The following CWF19L1 variants were observed in gnomAD, a reference collection of about 807,000 sequenced individuals.
CWF19L1 encodes CWF19-like protein 1.
CWF19L1 carries 60 observed loss-of-function variants against 69.7 expected under a neutral mutation model. That is an observed-to-expected ratio of 0.86 (90% CI 0.70 to 1.07). The LOEUF (loss-of-function observed/expected upper bound fraction) is 1.07, where lower values mean the gene tolerates loss of function less well. CWF19L1 is among the 50% of genes least tolerant of loss of function. The pLI is 0.00. For missense variants in CWF19L1, 591 were observed against 638.9 expected (o/e 0.92, Z 0.81); for synonymous variants, 209 against 222.2 (o/e 0.94, Z 0.53).
At chr10:100,250,188 A>G (rs1564856685) in intron 7 of CWF19L1, 60 bp downstream of exon 7, 2 of 1,122,726 alleles carry the variant, frequency 1.8e-6, no homozygotes, top group Non-Finnish European at 2.7e-6. Flanking sequence ...ACTGGACAAG[A>G]GATACATTTA....
At chr10:100,267,526 A>G in intron 1 of CWF19L1, 45 bp downstream of exon 1, 2 of 1,614,098 alleles carry the variant, frequency 1.2e-6, no homozygotes, top group Non-Finnish European at 1.7e-6. Context: ...ACCTACACAC[A>G]CGAAAGAGAC....
intron 7 of CWF19L1, chr10:100,248,440 G>T (rs781464393): frequency 5.7e-6 from 4 of 695,754 alleles, no homozygotes; most frequent in East Asian, 2.6e-5. Flanking sequence ...CTCATTCCAT[G>T]GGTACACAAA....
At chr10:100,253,757 T>TA (rs1847119679) in intron 5 of CWF19L1, 1 of 431,136 alleles carries the variant, frequency 2.3e-6, no homozygotes, top group Admixed American at 4.3e-5. Context: ...GAACAACTGT[T>TA]GGAAGCCAGA....
chr10:100,243,655 A>G (rs1846707351), intron 10 of CWF19L1, 43 bp downstream of exon 10: 1 of 1,498,554 alleles, frequency 6.7e-7, no homozygotes, highest in Non-Finnish European at 9.3e-7. Context: ...ATAAAAAACA[A>G]ATAGGCATCT....
In CWF19L1 at chr10:100,250,347, A is replaced by G. The variant is rs779504838; in HGVS notation, c.624-15T>C. 6 of 1,561,484 alleles carry G rather than the reference A, an allele frequency of 3.8e-6. No individual in the cohort carries two copies. The highest frequency in any genetic ancestry group is 4.4e-6 in the Non-Finnish European group (5 of 1,133,352). ...TGATATGGTTTCTACAACATATTTG[A>G]GAGACAAAAAATTGCAAACAATTTT... On this transcript the variant is annotated splice_polypyrimidine_tract_variant and intron_variant, in intron 6 of 13. Transcript: ENST00000354105.
intron 4 of CWF19L1, among the ~76,000 whole-genome samples, chr10:100,259,421 C>A (rs369775141): frequency 1.3e-5 from 2 of 152,010 alleles, no homozygotes. Context: ...AGTAAAAAGC[C>A]CCCAAAGAAC....
At chr10:100,249,115 A>G (rs1317223892) in intron 7 of CWF19L1, 2 of 476,732 alleles carry the variant, frequency 4.2e-6, no homozygotes, top group African/African-American at 4.0e-5. Flanking sequence ...ACTGGGCCAC[A>G]GCCCTGATGA....
At chr10:100,260,460 T>C (rs1182551637) in intron 3 of CWF19L1, 141 bp from the exon 4 acceptor site, 1 of 552,478 alleles carries the variant, frequency 1.8e-6, no homozygotes, top group Non-Finnish European at 3.2e-6. Context: ...CAATCCTAAA[T>C]GTGGAACAGC....
intron 10 of CWF19L1, among the ~76,000 whole-genome samples, chr10:100,241,000 CTTT>C (rs56262807): frequency 7.8e-4 from 55 of 70,618 alleles, no homozygotes; most frequent in African/African-American, 3.1e-3. Context: ...CTAATTAAGC[CTTT>C]TTTTTTTTTT....
chr10:100,238,396 A>G (rs1007728227), intron 10 of CWF19L1, among the ~76,000 whole-genome samples, 165 bp from the exon 11 acceptor site: 26 of 152,250 alleles, frequency 1.7e-4, no homozygotes, highest in African/African-American at 6.3e-4. Flanking sequence ...TTGTAGCAAC[A>G]ATGTTCTCAG....
chr10:100,243,058 C>T (rs1442516300), intron 10 of CWF19L1, among the ~76,000 whole-genome samples: 2 of 152,196 alleles, frequency 1.3e-5, no homozygotes, highest in Admixed American at 1.3e-4. Flanking sequence ...AACAGTTTAG[C>T]AGTTTCTTAA....
Position 100,246,899 on chromosome 10 carries a change from T to C in CWF19L1, c.745A>G (p.Met249Val). 1 of 1,613,816 alleles carries C rather than the reference T, an allele frequency of 6.2e-7. No homozygotes were observed. ...TGTTTTACCAGTTCTGCTGCATCCA[T>C]TAGCTTCATGGGAACAATACTGAAC... ...YAFSIVPMKL[M>V]DAAELVKQPP... The change falls in exon 8 of 14, where the codon ATG becomes GTG. Residue 249 changes from methionine to valine, a missense_variant. This residue lies in a region of CWF19L1 where 458 missense variants were observed against 489.3 expected (regional missense o/e 0.94). Coordinates refer to ENST00000354105, the MANE Select transcript of CWF19L1 (RefSeq NM_018294.6).
In CWF19L1 at chr10:100,261,981, CAA is replaced by C. The variant is rs557438617; in HGVS notation, c.104_105del (p.Phe35Ter). ...TTCAGTAAAAACAAACATCTTACAT[CAA>C]AGTTTCCACTTTTCTTCTGAATTGC... is the stretch of plus-strand genomic sequence containing the variant. ...VQAIQKKSGN[F>X]DLLLCVGNFF... is the part of the protein sequence containing the mutation. On this transcript the variant is annotated frameshift_variant, in exon 2 of 14. Transcript: ENST00000354105. LOFTEE classifies it high-confidence loss of function. 6.3e-7 allele frequency: 1 copy of C among 1,594,694 alleles called. No individual in the cohort carries two copies. Among genetic ancestry groups the C allele is most frequent in the African/African-American group, 1.4e-5 (1 of 73,616 alleles).
intron 1 of CWF19L1, 124 bp downstream of exon 1, chr10:100,267,447 G>A (rs961577794): frequency 2.5e-6 from 4 of 1,590,234 alleles, no homozygotes; most frequent in African/African-American, 2.7e-5. Context: ...AAGCTCCCCA[G>A]CAGCCCCGTG....
intron 7 of CWF19L1, among the ~76,000 whole-genome samples, chr10:100,247,954 A>T (rs1846884663): frequency 6.6e-6 from 1 of 152,132 alleles, no homozygotes; most frequent in Non-Finnish European, 1.5e-5. Context: ...GGGAAAAAAA[A>T]AAACACTGCT....
At chr10:100,234,319 G>C (rs984295364) in intron 13 of CWF19L1, among the ~76,000 whole-genome samples, 2 of 152,058 alleles carry the variant, frequency 1.3e-5, no homozygotes, top group Non-Finnish European at 2.9e-5. Context: ...CAAATATTTT[G>C]TTAACTATAA....
chr10:100,248,882 C>T lies in CWF19L1; in HGVS notation c.708+1366G>A, dbSNP rs1021081532. 1.2e-5 allele frequency: 12 copies of T among 1,005,838 alleles called. No individual in the cohort carries two copies. In the African/African-American group the frequency reaches 1.9e-4, roughly 16 times the overall value. The allele number at this position is 1,005,838 out of a possible 1,614,324, so 62.3% of individuals were successfully genotyped here. On this transcript the variant is annotated intron_variant, in intron 7 of 13. Coordinates refer to ENST00000354105, the MANE Select transcript of CWF19L1 (RefSeq NM_018294.6). The stretch of plus-strand genomic sequence containing the variant: ...GAAAAGGCTGAGCAGCAGAAAAAGG[C>T]AGCCATCATCTCTGCTGAGGGCGAT...
intron 4 of CWF19L1, among the ~76,000 whole-genome samples, chr10:100,257,955 C>T (rs758992478): frequency 4.6e-5 from 7 of 152,034 alleles, no homozygotes; most frequent in Non-Finnish European, 7.4e-5. Flanking sequence ...AAAGAACTCT[C>T]GGACCAGCAC....
At chr10:100,244,733 A>G (rs1846755568) in intron 9 of CWF19L1, among the ~76,000 whole-genome samples, 1 of 152,030 alleles carries the variant, frequency 6.6e-6, no homozygotes, top group Admixed American at 6.5e-5. Context: ...GGCTCACTGC[A>G]ATCTCCGCCT....
Sources: gnomAD v4.1 joint callset for allele counts (sites outside exome capture counted in the v4.1 genomes callset) on GRCh38, gnomAD v4.1.1 for gene constraint, gnomAD v4.1.1 regional missense constraint, MANE v1.5 for transcripts, NCBI Gene and HGNC (gene_info 2026-07-23, HGNC 2026-07-21) for gene names.